Variants in CADPS observed in about 807,000 individuals in gnomAD.
CADPS encodes the protein calcium-dependent secretion activator 1.
A neutral mutation model predicts 167.3 loss-of-function variants in CADPS; 57 were observed. That is an observed-to-expected ratio of 0.34 (90% confidence interval 0.28 to 0.42). The LOEUF (loss-of-function observed/expected upper bound fraction) is 0.42. Among genes scored for constraint, CADPS ranks in the 20% least tolerant of loss-of-function variants. The pLI is 1.00. For missense variants in CADPS, 1,414 were observed against 1,738.1 expected (o/e 0.81, Z 3.32); for synonymous variants, 676 against 635.3 (o/e 1.06, Z -0.96).
At chr3:62,647,462 C>T (rs770838171) in intron 5 of CADPS, among the ~76,000 whole-genome samples, 1 of 152,126 alleles carries the variant, frequency 6.6e-6, no homozygotes, top group Non-Finnish European at 1.5e-5. Flanking sequence ...CCTGGTGATG[C>T]TGATGCTGCT....
At chr3:62,535,306 G>C (rs1220152255) in intron 12 of CADPS, among the ~76,000 whole-genome samples, 2 of 150,194 alleles carry the variant, frequency 1.3e-5, no homozygotes, top group Admixed American at 1.3e-4. Flanking sequence ...TTTTGATGAA[G>C]GAATTCTAAA....
chr3:62,682,542 A>G (rs1307164125), intron 3 of CADPS, among the ~76,000 whole-genome samples: 1 of 152,056 alleles, frequency 6.6e-6, no homozygotes, highest in Non-Finnish European at 1.5e-5. Flanking sequence ...CCATTTGAAT[A>G]CTTTCTCTCA....
At chr3:62,476,491 T>C (rs1422410851) in intron 23 of CADPS, among the ~76,000 whole-genome samples, 3 of 152,160 alleles carry the variant, frequency 2.0e-5, no homozygotes, top group African/African-American at 7.2e-5. Flanking sequence ...AGTAAAAGGT[T>C]GCTTAACAGC....
At chr3:62,851,749 T>C (rs895967818) in intron 1 of CADPS, among the ~76,000 whole-genome samples, 4 of 147,956 alleles carry the variant, frequency 2.7e-5, no homozygotes, top group South Asian at 2.2e-4. Flanking sequence ...GACAATTATG[T>C]GTCTTGGAGT....
intron 3 of CADPS, among the ~76,000 whole-genome samples, chr3:62,692,290 G>C (rs757677612): frequency 2.5e-4 from 18 of 73,014 alleles, no homozygotes; most frequent in African/African-American, 3.1e-4. Flanking sequence ...CCACTTCCAA[G>C]GTAATTCTTC....
intron 1 of CADPS, among the ~76,000 whole-genome samples, chr3:62,803,287 C>A (rs1026781679): frequency 4.0e-5 from 6 of 150,026 alleles, no homozygotes; most frequent in African/African-American, 1.5e-4. Context: ...GCCTGTAAGA[C>A]ATTAAGGTAG....
chr3:62,480,694 C>T (rs1365546984), intron 22 of CADPS, among the ~76,000 whole-genome samples: 3 of 152,156 alleles, frequency 2.0e-5, no homozygotes, highest in Non-Finnish European at 4.4e-5. Context: ...TTGATAATAA[C>T]ACTTCCCTTT....
At chr3:62,619,534 G>A (rs146377343) in intron 6 of CADPS, among the ~76,000 whole-genome samples, 3 of 152,200 alleles carry the variant, frequency 2.0e-5, no homozygotes, top group African/African-American at 7.2e-5. Flanking sequence ...GAAAAAACAT[G>A]GCATGAATTA....
rs569530254 is a variant in CADPS, at chr3:62,423,541, C to T, written c.3777+14563G>A. Reference sequence around the variant, plus strand: ...TATTTGAATAGTGTAAAGTTTTTGCCTAAGATATTATAGTTACATGGCTAT... The same window carrying T: ...TATTTGAATAGTGTAAAGTTTTTGCTTAAGATATTATAGTTACATGGCTAT... On this transcript the variant is annotated intron_variant, in intron 28 of 29. Transcript: ENST00000383710. 2.4e-3 allele frequency among the ~76,000 whole-genome samples: 367 copies of T among 152,286 alleles called. 3 individuals carry two copies. The highest frequency in any genetic ancestry group is 8.4e-3 in the African/African-American group (349 of 41,552).
At position 62,458,509 on chromosome 3, in the gene CADPS, G is replaced by A. The variant is rs2058964258; in HGVS notation, c.3636+6858C>T. Among the ~76,000 whole-genome samples the A allele has an allele frequency of 1.3e-5, 2 of 151,868 alleles. No homozygotes were observed. The highest frequency in any genetic ancestry group is 4.8e-5 in the African/African-American group (2 of 41,344). On this transcript the variant is annotated intron_variant, in intron 26 of 29. Coordinates refer to ENST00000383710, the MANE Select transcript of CADPS (RefSeq NM_003716.4). The surrounding 1 kb of genome is among the most constrained non-coding windows in gnomAD (Gnocchi z 4.6). The stretch of plus-strand genomic sequence containing the variant: ...TTTCTTTTTTCTTTTTCTTTTTTGA[G>A]ACGGAGTCTGGCTCTATCACCCAGG...
chr3:62,826,747 G>T (rs2074115908), intron 1 of CADPS, among the ~76,000 whole-genome samples: 1 of 152,008 alleles, frequency 6.6e-6, no homozygotes, highest in Non-Finnish European at 1.5e-5. Context: ...TCTGAGGGAG[G>T]GTCTCCTTGC....
intron 3 of CADPS, among the ~76,000 whole-genome samples, chr3:62,695,977 G>A (rs961949235): frequency 3.3e-5 from 5 of 151,940 alleles, no homozygotes; most frequent in South Asian, 2.1e-4. Context: ...ACGTATACAC[G>A]TTAAATAAAT....
intron 4 of CADPS, among the ~76,000 whole-genome samples, chr3:62,653,986 C>G: frequency 6.6e-6 from 1 of 152,248 alleles, no homozygotes; most frequent in Middle Eastern, 3.4e-3. Context: ...AATGAGATGA[C>G]AGGCTGATGA....
intron 6 of CADPS, among the ~76,000 whole-genome samples, chr3:62,603,157 C>T (rs1217719418): frequency 6.6e-6 from 1 of 152,130 alleles, no homozygotes; most frequent in Non-Finnish European, 1.5e-5. Context: ...GTTCTATGCC[C>T]CTGGCTTCTA....
intron 21 of CADPS, among the ~76,000 whole-genome samples, chr3:62,484,768 C>T (rs1304425462): frequency 1.3e-5 from 2 of 152,172 alleles, no homozygotes; most frequent in African/African-American, 4.8e-5. Context: ...ACACTGACTC[C>T]ATGCAGAAGG....
At chr3:62,652,234 C>T (rs375920449) in intron 4 of CADPS, among the ~76,000 whole-genome samples, 1 of 151,914 alleles carries the variant, frequency 6.6e-6, no homozygotes, top group South Asian at 2.1e-4. Context: ...CAAAGTCTAA[C>T]TTAAGTACAT....
At chr3:62,476,510 G>A (rs973449880) in intron 23 of CADPS, among the ~76,000 whole-genome samples, 1 of 152,162 alleles carries the variant, frequency 6.6e-6, no homozygotes, top group Non-Finnish European at 1.5e-5. Flanking sequence ...GCTACTGTGT[G>A]CCAAGCATGG....
chr3:62,573,642 C>A (rs1309592937), intron 8 of CADPS, among the ~76,000 whole-genome samples: 1 of 152,212 alleles, frequency 6.6e-6, no homozygotes. Flanking sequence ...CTTGGTACAA[C>A]CTATGCTGCC....
rs966463531 is a variant in CADPS, at chr3:62,875,128, G to C, written c.-99C>G. The C allele has an allele frequency of 6.0e-6, 8 of 1,329,904 alleles. No individual in the cohort carries two copies. Among genetic ancestry groups the C allele is most frequent in the Middle Eastern group, 2.7e-4 (1 of 3,656 alleles). 82.4% of individuals were successfully genotyped at this position (1,329,904 alleles called of 1,614,324 possible). ...CGGGGATCAGCTCTCCCGGGTGGGC[G>C]CTTCTCCCCAGGTCAGGGAGCGAGA... On this transcript the variant is annotated 5_prime_UTR_variant, in exon 1 of 30. Coordinates refer to ENST00000383710, the MANE Select transcript of CADPS (RefSeq NM_003716.4).
Sources: allele counts gnomAD v4.1 joint callset (sites outside exome capture counted in the v4.1 genomes callset), GRCh38; gene constraint gnomAD v4.1.1; non-coding constraint Gnocchi (gnomAD v3.1); transcripts MANE v1.5; gene names NCBI Gene and HGNC (gene_info 2026-07-23, HGNC 2026-07-21).